Variants in ZBBX observed in about 807,000 individuals in gnomAD.
ZBBX encodes zinc finger B-box domain containing, also known as zinc finger B-box domain-containing protein 1.
A neutral mutation model predicts 108.5 loss-of-function variants in ZBBX; 101 were observed. The observed-to-expected ratio is 0.93, with a 90% CI of 0.79 to 1.10. The LOEUF (loss-of-function observed/expected upper bound fraction) is 1.10. ZBBX is among the 50% of genes least tolerant of loss of function. The pLI is 0.00. For synonymous variants in ZBBX, 356 were observed against 323.4 expected (o/e 1.10, Z -1.08); for missense variants, 1,009 against 941.4 (o/e 1.07, Z -0.94).
At chr3:167,179,301 G>T in the ZBBX span, among the ~76,000 whole-genome samples, 1 of 152,242 alleles carries the variant, frequency 6.6e-6, no homozygotes, top group African/African-American at 2.4e-5. Context: ...GTTGGGCATT[G>T]CTGGATAATA....
intron 5 of ZBBX, chr3:167,366,985 T>C (rs1745423244): frequency 2.3e-6 from 1 of 437,318 alleles, no homozygotes; most frequent in Admixed American, 2.5e-5. Context: ...AGGGGGTATG[T>C]ATATAAGTTA....
the ZBBX span, among the ~76,000 whole-genome samples, chr3:167,224,826 A>G: frequency 6.6e-6 from 1 of 151,944 alleles, no homozygotes; most frequent in East Asian, 1.9e-4. Context: ...CTTCAGTGCC[A>G]TTTTCCACTG....
intron 4 of ZBBX, among the ~76,000 whole-genome samples, chr3:167,370,770 T>C (rs979789881): frequency 2.0e-5 from 3 of 152,156 alleles, no homozygotes; most frequent in Non-Finnish European, 4.4e-5. Flanking sequence ...ATTTATTTAA[T>C]TTATTGTTTA....
chr3:167,283,385 G>A (rs1358005103), intron 19 of ZBBX, among the ~76,000 whole-genome samples: 1 of 152,024 alleles, frequency 6.6e-6, no homozygotes, highest in Non-Finnish European at 1.5e-5. Context: ...ATAAATTATT[G>A]TTCTGATTTA....
chr3:167,348,261 G>GGAAGGAA (rs1741869308), intron 9 of ZBBX, among the ~76,000 whole-genome samples: 5 of 74,684 alleles, frequency 6.7e-5, no homozygotes, highest in African/African-American at 1.0e-4. Context: ...GAGGGTGGAA[G>GGAAGGAA]GGAAGGAAGG....
At chr3:167,321,643 T>C (rs1317587852) in intron 12 of ZBBX, among the ~76,000 whole-genome samples, 1 of 152,026 alleles carries the variant, frequency 6.6e-6, no homozygotes, top group Non-Finnish European at 1.5e-5. Context: ...AAATAACCCA[T>C]ATTTTGCCAC....
At chr3:167,386,278 C>T (rs902406025) in intron 1 of ZBBX, among the ~76,000 whole-genome samples, 8 of 152,036 alleles carry the variant, frequency 5.3e-5, no homozygotes, top group Admixed American at 1.3e-4. Context: ...AAATGATACA[C>T]TCCTGCATCT....
At chr3:167,331,500 T>C (rs1350089455) in intron 10 of ZBBX, 8 of 942,138 alleles carry the variant, frequency 8.5e-6, no homozygotes, top group Non-Finnish European at 1.0e-5. Context: ...CCAGGGAAGC[T>C]TCCTTCCAAG....
intron 6 of ZBBX, among the ~76,000 whole-genome samples, chr3:167,362,201 TAGAA>T (rs1744636395): frequency 6.6e-6 from 1 of 152,076 alleles, no homozygotes; most frequent in East Asian, 1.9e-4. Flanking sequence ...TACATATAGA[TAGAA>T]AGATGGATAT....
chr3:167,308,705 A>C (rs919914025), intron 16 of ZBBX, among the ~76,000 whole-genome samples: 8 of 152,178 alleles, frequency 5.3e-5, no homozygotes, highest in Admixed American at 1.3e-4. Context: ...AAAGAACAGA[A>C]AACTAAGCAC....
At chr3:167,360,906 A>T (rs1029357756) in intron 6 of ZBBX, among the ~76,000 whole-genome samples, 183 bp from the exon 7 acceptor site, 1 of 151,970 alleles carries the variant, frequency 6.6e-6, no homozygotes, top group Non-Finnish European at 1.5e-5. Context: ...TAATTAATCT[A>T]ATAGAAATTC....
chr3:167,315,968 C>A, intron 14 of ZBBX, 139 bp from the exon 15 acceptor site: 1 of 536,776 alleles, frequency 1.9e-6, no homozygotes. Flanking sequence ...TTTTATAACA[C>A]ATAAGTTCTA....
the ZBBX span, among the ~76,000 whole-genome samples, chr3:167,187,772 G>A: frequency 6.6e-6 from 1 of 151,958 alleles, no homozygotes; most frequent in Non-Finnish European, 1.5e-5. Context: ...GGTGGCAAGG[G>A]GTACAAAATG....
the ZBBX span, among the ~76,000 whole-genome samples, chr3:167,184,476 C>G: frequency 6.6e-6 from 1 of 152,104 alleles, no homozygotes; most frequent in Non-Finnish European, 1.5e-5. Context: ...ATGCCCTCAT[C>G]ATATGACCCA....
chr3:167,395,368 A>C (rs1748199536), intron 1 of ZBBX, among the ~76,000 whole-genome samples: 1 of 152,098 alleles, frequency 6.6e-6, no homozygotes, highest in Non-Finnish European at 1.5e-5. Flanking sequence ...CTTTTTATAC[A>C]GAAATGAGGA....
chr3:167,232,166 T>G, the ZBBX span, among the ~76,000 whole-genome samples: 1 of 151,848 alleles, frequency 6.6e-6, no homozygotes, highest in East Asian at 1.9e-4. Context: ...TGCTTTTTTA[T>G]TAACTTTATG....
upstream of ZBBX, among the ~76,000 whole-genome samples, chr3:167,383,118 C>T (rs992630943): frequency 8.9e-4 from 136 of 152,106 alleles, 1 homozygote; most frequent in African/African-American, 3.2e-3. Flanking sequence ...TTTGATAATA[C>T]CAAACCTTTG....
the ZBBX span, among the ~76,000 whole-genome samples, chr3:167,195,510 T>C: frequency 6.6e-6 from 1 of 152,192 alleles, no homozygotes; most frequent in Non-Finnish European, 1.5e-5. Flanking sequence ...TCAAGATGTG[T>C]AGCTGTGTTG....
chr3:167,273,151 C>T (rs1041532873), intron 20 of ZBBX, among the ~76,000 whole-genome samples: 7 of 152,166 alleles, frequency 4.6e-5, no homozygotes, highest in African/African-American at 1.7e-4. Flanking sequence ...GCCATCTCTT[C>T]TATACCTAAT....
Sources: gnomAD v4.1 joint callset for allele counts (sites outside exome capture counted in the v4.1 genomes callset) on GRCh38, gnomAD v4.1.1 for gene constraint, MANE v1.5 for transcripts, NCBI Gene and HGNC (gene_info 2026-07-23, HGNC 2026-07-21) for gene names.